Variants in PRDM11 observed in about 807,000 individuals in gnomAD.
PRDM11 encodes the protein PR/SET domain 11, also known as PR domain-containing protein 11.
PRDM11 carries 20 observed loss-of-function variants against 97.8 expected under a neutral mutation model. That is an observed-to-expected ratio of 0.20 (90% confidence interval 0.14 to 0.30). The LOEUF is 0.30. Ranked by LOEUF, PRDM11 falls within the 10% of genes least tolerant of loss-of-function variation. PRDM11 has a pLI of 1.00. For synonymous variants in PRDM11, 599 were observed against 637.7 expected, an observed-to-expected ratio of 0.94 and a Z score of 0.91; for missense variants, 1,139 against 1,555.2, an observed-to-expected ratio of 0.73 and a Z score of 4.50.
intron 1 of PRDM11, chr11:45,147,289 GA>G (rs999877107): frequency 6.6e-6 from 1 of 151,668 alleles, no homozygotes; most frequent in Non-Finnish European, 1.5e-5. Flanking sequence ...CGGTGACACG[GA>G]CGGGGCGGGG....
intron 1 of PRDM11, among the ~76,000 whole-genome samples, chr11:45,171,604 G>T (rs1243217013): frequency 6.6e-6 from 1 of 152,150 alleles, no homozygotes; most frequent in Non-Finnish European, 1.5e-5. Context: ...CACCATCAAG[G>T]CAGATGCTTT....
chr11:45,181,595 G>A (rs1852502548), intron 1 of PRDM11, among the ~76,000 whole-genome samples, 166 bp from the exon 2 acceptor site: 1 of 152,164 alleles, frequency 6.6e-6, no homozygotes. Flanking sequence ...CCTCTTGGCC[G>A]GGCTACAGCT....
In PRDM11 at chr11:45,181,761, GA is replaced by G; in HGVS notation, c.-5del. On this transcript the variant is annotated splice_region_variant and 5_prime_UTR_variant, in exon 2 of 8. Coordinates refer to ENST00000683152, the MANE Select transcript of PRDM11 (RefSeq NM_001384648.1). ...GCTGGTCCCACCTCCTGCGTCCCAG[GA>G]CAGAATGACCGAGAACATGAAGGAG... 4.3e-6 allele frequency: 7 copies of G among 1,612,188 alleles called. No homozygotes were observed. Among genetic ancestry groups the G allele is most frequent in the Non-Finnish European group, 5.9e-6 (7 of 1,179,216 alleles).
chr11:45,134,825 G>A (rs1852805420), intron 1 of PRDM11, among the ~76,000 whole-genome samples: 1 of 149,962 alleles, frequency 6.7e-6, no homozygotes, highest in South Asian at 2.1e-4. Context: ...GGAAGAACTT[G>A]ACATATTTTA....
intron 1 of PRDM11, among the ~76,000 whole-genome samples, chr11:45,139,532 A>G (rs1048201754): frequency 3.7e-5 from 5 of 136,986 alleles, no homozygotes; most frequent in Admixed American, 1.7e-4. Flanking sequence ...GCACCACTGC[A>G]CTCCAGCCTG....
intron 4 of PRDM11, among the ~76,000 whole-genome samples, chr11:45,200,524 T>C (rs1195072947): frequency 6.6e-6 from 1 of 152,244 alleles, no homozygotes; most frequent in Non-Finnish European, 1.5e-5. Flanking sequence ...CCAAGGCCAC[T>C]CAGCTTGTGT....
chr11:45,144,585 T>C (rs1422134534), upstream of PRDM11, among the ~76,000 whole-genome samples: 1 of 152,212 alleles, frequency 6.6e-6, no homozygotes, highest in Non-Finnish European at 1.5e-5. Flanking sequence ...TCCCCTCCTT[T>C]ATCTACTTCT....
At chr11:45,143,583 T>C (rs1193476274), upstream of PRDM11, among the ~76,000 whole-genome samples, 6 of 152,152 alleles carry the variant, frequency 3.9e-5, no homozygotes, top group South Asian at 2.1e-4. Context: ...AGCTGCATTA[T>C]GGAAAAGGAC....
chr11:45,101,048 T>TG (rs889498888), intron 1 of PRDM11, among the ~76,000 whole-genome samples: 21 of 151,770 alleles, frequency 1.4e-4, no homozygotes, highest in Non-Finnish European at 1.8e-4. Flanking sequence ...GTGTTGGAAG[T>TG]GGGGGGGTGG....
intron 4 of PRDM11, among the ~76,000 whole-genome samples, chr11:45,201,046 C>A (rs1010380428): frequency 1.3e-5 from 2 of 152,060 alleles, no homozygotes; most frequent in Non-Finnish European, 2.9e-5. Context: ...TGTAAATGCT[C>A]CCCCCATGGC....
intron 1 of PRDM11, among the ~76,000 whole-genome samples, chr11:45,128,262 A>G (rs982674965): frequency 3.3e-5 from 5 of 152,122 alleles, no homozygotes; most frequent in African/African-American, 1.2e-4. Context: ...CCTTTCTTTG[A>G]CTAGGAAAGG....
At chr11:45,147,427 G>A (rs1485709975) in intron 1 of PRDM11, 2 of 152,242 alleles carry the variant, frequency 1.3e-5, no homozygotes, top group South Asian at 2.1e-4. Flanking sequence ...TTTGGGATGC[G>A]ACGAAGCCTT....
chr11:45,095,588 T>C (rs528992324), upstream of PRDM11, among the ~76,000 whole-genome samples: 1 of 152,242 alleles, frequency 6.6e-6, no homozygotes, highest in African/African-American at 2.4e-5. Context: ...CAGCTGAGAG[T>C]AGAGGCCACA....
chr11:45,219,521 T>C lies in PRDM11; in HGVS notation c.555-49T>C. On this transcript the variant is annotated intron_variant, in intron 5 of 7. Transcript: ENST00000683152. The surrounding 1 kb of genome is among the most constrained non-coding windows in gnomAD (Gnocchi z 4.2). The stretch of plus-strand genomic sequence containing the variant: ...GCACTGTGCCGGCACCAGCGGGCAC[T>C]CAACAAAGGGTGGCCCGTGCGTTCT... 2.6e-6 allele frequency: 4 copies of C among 1,534,798 alleles called. No homozygotes were observed. The highest frequency in any genetic ancestry group is 3.6e-6 in the Non-Finnish European group (4 of 1,120,770).
chr11:45,179,765 G>A (rs769172416), intron 1 of PRDM11, among the ~76,000 whole-genome samples: 4 of 152,222 alleles, frequency 2.6e-5, no homozygotes, highest in Non-Finnish European at 4.4e-5. Context: ...ACATATGAAG[G>A]GGAGTGGGGT....
chr11:45,129,532 C>G (rs374167241), intron 1 of PRDM11, among the ~76,000 whole-genome samples: 4 of 151,992 alleles, frequency 2.6e-5, no homozygotes, highest in East Asian at 3.9e-4. Flanking sequence ...TAAAAACCAC[C>G]ATTTACAACT....
chr11:45,113,589 G>A (rs949086336), intron 1 of PRDM11, among the ~76,000 whole-genome samples: 2 of 152,118 alleles, frequency 1.3e-5, no homozygotes, highest in African/African-American at 2.4e-5. Context: ...AGCATGGGAT[G>A]TGTTTCCATT....
chr11:45,175,759 C>T (rs1443595311), intron 1 of PRDM11, among the ~76,000 whole-genome samples: 1 of 152,162 alleles, frequency 6.6e-6, no homozygotes, highest in East Asian at 1.9e-4. Context: ...AGAAAGGTTA[C>T]ACCAATTTAC....
intron 4 of PRDM11, among the ~76,000 whole-genome samples, chr11:45,190,611 T>C (rs945352770): frequency 6.6e-6 from 1 of 152,086 alleles, no homozygotes; most frequent in Non-Finnish European, 1.5e-5. Context: ...GGTAAATACT[T>C]TCGGCTTTAT....
Sources: gnomAD v4.1 joint callset for allele counts (sites outside exome capture counted in the v4.1 genomes callset) on GRCh38, gnomAD v4.1.1 for gene constraint, Gnocchi (gnomAD v3.1) non-coding constraint, MANE v1.5 for transcripts, NCBI Gene and HGNC (gene_info 2026-07-23, HGNC 2026-07-21) for gene names.